PARP8: variants seen among roughly 807,000 people sequenced by gnomAD.
PARP8 encodes the protein protein mono-ADP-ribosyltransferase PARP8.
A neutral mutation model predicts 124.1 loss-of-function variants in PARP8; 51 were observed. The ratio of observed to expected loss-of-function variants is 0.41; its 90% confidence interval spans 0.33 to 0.52. The LOEUF is 0.52. PARP8 is among the 20% of genes least tolerant of loss of function. PARP8 has a pLI of 0.21. For synonymous variants in PARP8, 391 were observed against 361.5 expected (o/e 1.08, Z -0.93); for missense variants, 860 against 1,018.9 (o/e 0.84, Z 2.12).
rs548287246 is a variant in PARP8, at chr5:50,718,716, T to C, written c.147-31435T>C. Among the ~76,000 whole-genome samples the C allele has an allele frequency of 6.6e-5, 10 of 152,162 alleles. No homozygotes were observed. The South Asian group carries it at 1.4e-3, about 22-fold the overall frequency. On this transcript the variant is annotated intron_variant, in intron 2 of 25. Transcript: ENST00000281631. ...GTACCACATTTTCTTTATGCATTTA[T>C]CTATTGATGGACACTTAGGTTACTT...
chr5:50,758,404 G>C (rs1760191383), intron 3 of PARP8, among the ~76,000 whole-genome samples: 1 of 152,150 alleles, frequency 6.6e-6, no homozygotes, highest in African/African-American at 2.4e-5. Flanking sequence ...ATCTTTTGCA[G>C]CTAACCTGTA....
intron 2 of PARP8, among the ~76,000 whole-genome samples, chr5:50,672,871 G>C (rs1036133629): frequency 6.6e-6 from 1 of 152,086 alleles, no homozygotes. Flanking sequence ...GAGGGGGAGG[G>C]TGAAGAAGCA....
chr5:50,758,978 G>T (rs1185071063), intron 3 of PARP8, among the ~76,000 whole-genome samples: 3 of 152,172 alleles, frequency 2.0e-5, no homozygotes. Context: ...ATAATTGTGA[G>T]ACTTTATCAA....
chr5:50,693,243 G>T (rs1294954498), intron 2 of PARP8, among the ~76,000 whole-genome samples: 1 of 152,170 alleles, frequency 6.6e-6, no homozygotes, highest in African/African-American at 2.4e-5. Flanking sequence ...ATGGGAATTA[G>T]CTACTATGGC....
At chr5:50,680,110 A>C (rs1202609494) in intron 2 of PARP8, among the ~76,000 whole-genome samples, 1 of 152,306 alleles carries the variant, frequency 6.6e-6, no homozygotes, top group East Asian at 1.9e-4. Flanking sequence ...TTAAACTGTC[A>C]TAAATGGAAA....
chr5:50,712,663 A>G (rs1311972317), intron 2 of PARP8, among the ~76,000 whole-genome samples: 1 of 152,084 alleles, frequency 6.6e-6, no homozygotes, highest in Non-Finnish European at 1.5e-5. Flanking sequence ...TTCACAGAGC[A>G]GGGATGAGAT....
intron 14 of PARP8, among the ~76,000 whole-genome samples, chr5:50,805,172 T>C (rs27470): frequency 8.5e-5 from 13 of 152,292 alleles, no homozygotes; most frequent in African/African-American, 2.4e-4. Flanking sequence ...ATTTCAAAGT[T>C]TTAAACAAGC....
intron 2 of PARP8, among the ~76,000 whole-genome samples, chr5:50,730,806 GT>G (rs1756903094): frequency 6.6e-6 from 1 of 152,152 alleles, no homozygotes; most frequent in Non-Finnish European, 1.5e-5. Flanking sequence ...AGATTAAGTT[GT>G]TTTGTTAATA....
chr5:50,724,330 T>C (rs545662539), intron 2 of PARP8, among the ~76,000 whole-genome samples: 1 of 152,282 alleles, frequency 6.6e-6, no homozygotes, highest in African/African-American at 2.4e-5. Context: ...AAGTTTTCAG[T>C]AGATGCATTT....
At chr5:50,719,270 G>A (rs1185788489) in intron 2 of PARP8, among the ~76,000 whole-genome samples, 2 of 152,042 alleles carry the variant, frequency 1.3e-5, no homozygotes, top group Admixed American at 6.6e-5. Flanking sequence ...CTCCCATTCT[G>A]TTGGTTGTCT....
chr5:50,780,215 G>A (rs1044066944), intron 9 of PARP8, among the ~76,000 whole-genome samples: 1 of 152,138 alleles, frequency 6.6e-6, no homozygotes, highest in African/African-American at 2.4e-5. Flanking sequence ...TGTAATGTAT[G>A]GAGAATATTT....
intron 2 of PARP8, among the ~76,000 whole-genome samples, chr5:50,715,821 G>A (rs1755248265): frequency 1.3e-5 from 2 of 151,864 alleles, no homozygotes; most frequent in South Asian, 2.1e-4. Context: ...CAGAGCTTCT[G>A]TCTCCTTCTT....
chr5:50,733,205 A>C (rs1757151995), intron 2 of PARP8, among the ~76,000 whole-genome samples: 1 of 151,724 alleles, frequency 6.6e-6, no homozygotes, highest in Non-Finnish European at 1.5e-5. Flanking sequence ...TCAGCAGGGG[A>C]ATTGCTTGAA....
At chr5:50,670,647 G>A (rs1415916570) in intron 2 of PARP8, among the ~76,000 whole-genome samples, 1 of 152,188 alleles carries the variant, frequency 6.6e-6, no homozygotes, top group African/African-American at 2.4e-5. Flanking sequence ...GAGGTGGAAA[G>A]GTTCATGGAA....
chr5:50,737,381 G>A (rs1171589880), intron 2 of PARP8, among the ~76,000 whole-genome samples: 1 of 152,092 alleles, frequency 6.6e-6, no homozygotes, highest in Non-Finnish European at 1.5e-5. Flanking sequence ...TATTCAACCT[G>A]TGAAAATAAC....
chr5:50,763,353 G>A (rs1424160628), intron 7 of PARP8, 111 bp downstream of exon 7: 1 of 755,114 alleles, frequency 1.3e-6, no homozygotes, highest in Non-Finnish European at 2.2e-6. Flanking sequence ...ATTTTAAAGT[G>A]TTTTAGAAAG....
At chr5:50,788,055 A>G (rs547339360) in intron 9 of PARP8, among the ~76,000 whole-genome samples, 6 of 149,744 alleles carry the variant, frequency 4.0e-5, no homozygotes, top group African/African-American at 1.5e-4. Flanking sequence ...TGATGTATGT[A>G]GATGCAAACA....
At chr5:50,696,032 A>G (rs1752988935) in intron 2 of PARP8, among the ~76,000 whole-genome samples, 1 of 152,214 alleles carries the variant, frequency 6.6e-6, no homozygotes, top group Admixed American at 6.5e-5. Context: ...CAGCACTGTG[A>G]AAACATAATT....
intron 2 of PARP8, among the ~76,000 whole-genome samples, chr5:50,723,890 G>C (rs1007141706): frequency 1.1e-4 from 17 of 152,172 alleles, no homozygotes; most frequent in Admixed American, 8.5e-4. Context: ...AAAATTTGTT[G>C]ATGAGAAATT....
Sources: allele counts gnomAD v4.1 joint callset (sites outside exome capture counted in the v4.1 genomes callset), GRCh38; gene constraint gnomAD v4.1.1; transcripts MANE v1.5; gene names NCBI Gene and HGNC (gene_info 2026-07-23, HGNC 2026-07-21).